Variants in PCDHGA3 observed in about 807,000 individuals in gnomAD.
PCDHGA3 encodes protocadherin gamma-A3.
In PCDHGA3, 40 loss-of-function variants were observed where a neutral mutation model predicts 58.5. The observed-to-expected ratio is 0.68, with a 90% CI of 0.53 to 0.89. PCDHGA3 has a LOEUF of 0.89. Ranked by LOEUF, PCDHGA3 falls within the 40% of genes least tolerant of loss-of-function variation. The pLI, the probability that PCDHGA3 is intolerant of heterozygous loss-of-function variation, is 0.00. For synonymous variants in PCDHGA3, 530 were observed against 525.7 expected (o/e 1.01, Z -0.11); for missense variants, 1,223 against 1,195.9 (o/e 1.02, Z -0.33).
At chr5:141,364,343 C>T in intron 1 of PCDHGA3, 1 of 1,541,934 alleles carries the variant, frequency 6.5e-7, no homozygotes, top group Non-Finnish European at 8.7e-7. Context: ...GGCGAGTCCA[C>T]CTAGGGGCTG....
chr5:141,493,289 C>T lies in PCDHGA3; in HGVS notation c.2425-1518C>T, dbSNP rs925045650. 2.6e-5 allele frequency among the ~76,000 whole-genome samples: 4 copies of T among 152,176 alleles called. No individual in the cohort carries two copies. Among genetic ancestry groups the T allele is most frequent in the Non-Finnish European group, 5.9e-5 (4 of 68,030 alleles). On this transcript the variant is annotated intron_variant, in intron 1 of 3. Coordinates refer to ENST00000253812, the MANE Select transcript of PCDHGA3 (RefSeq NM_018916.4). The surrounding 1 kb of genome is among the most constrained non-coding windows in gnomAD (Gnocchi z 4.3). ...CTTCACAGAGGTCAAGTGACTTGCT[C>T]AAGTTCACAGAGCAAGTAAGAGAGA...
intron 1 of PCDHGA3, among the ~76,000 whole-genome samples, chr5:141,473,132 T>C (rs2099314792): frequency 6.6e-6 from 1 of 152,230 alleles, no homozygotes; most frequent in Non-Finnish European, 1.5e-5. Context: ...TGGCAAACTA[T>C]ATTATCTCTT....
chr5:141,354,470 G>C (rs1446177530), intron 1 of PCDHGA3, among the ~76,000 whole-genome samples: 1 of 152,216 alleles, frequency 6.6e-6, no homozygotes, highest in South Asian at 2.1e-4. Flanking sequence ...CATTTGTACA[G>C]GGTAAGGCTA....
At chr5:141,379,214 T>A (rs1775449550) in intron 1 of PCDHGA3, 1 of 152,234 alleles carries the variant, frequency 6.6e-6, no homozygotes, top group Non-Finnish European at 1.5e-5. Flanking sequence ...CTGCTAAGAG[T>A]AATATGTGTT....
chr5:141,372,707 G>C, intron 1 of PCDHGA3: 1 of 1,613,964 alleles, frequency 6.2e-7, no homozygotes, highest in Non-Finnish European at 8.5e-7. Context: ...TCAATATAAA[G>C]GCTGAAAATG....
rs1257609378 is a variant in PCDHGA3 at position 141,385,552 on chromosome 5, T to TA, written c.2424+39095_2424+39096insA. Reference sequence around the variant, plus strand: ...ATTATGAATATGTGGACTATCACATTTTATAATTTCCACCTACTTTCCAAT... The same window carrying TA: ...ATTATGAATATGTGGACTATCACATTATTATAATTTCCACCTACTTTCCAAT... On this transcript the variant is annotated intron_variant, in intron 1 of 3. Transcript: ENST00000253812. 1.1e-5 allele frequency: 14 copies of TA among 1,315,750 alleles called. No individual in the cohort carries two copies. The African/African-American group carries it at 2.1e-4, about 20-fold the overall frequency. The allele number at this position is 1,315,750 out of a possible 1,614,324, so 81.5% of individuals were successfully genotyped here. A position where few individuals can be genotyped will look rare whatever the true frequency, so the allele number is the denominator to read the frequency against.
intron 2 of PCDHGA3, among the ~76,000 whole-genome samples, chr5:141,496,839 AG>A (rs2099771805): frequency 1.3e-5 from 2 of 151,484 alleles, no homozygotes; most frequent in African/African-American, 4.9e-5. Context: ...CAGAACTCAT[AG>A]GCTTCCAGAC....
chr5:141,355,938 G>A (rs556759092), intron 1 of PCDHGA3: 1 of 1,613,878 alleles, frequency 6.2e-7, no homozygotes, highest in Admixed American at 1.7e-5. Flanking sequence ...CTCAGCCCGA[G>A]TACCACGTAA....
At chr5:141,484,958 G>T in intron 1 of PCDHGA3, 1 of 575,874 alleles carries the variant, frequency 1.7e-6, no homozygotes. Flanking sequence ...TATTGGCTGA[G>T]CCCGGGAGCC....
chr5:141,438,586 A>G (rs949534736), intron 1 of PCDHGA3, among the ~76,000 whole-genome samples: 2 of 56,254 alleles, frequency 3.6e-5, no homozygotes, highest in South Asian at 6.2e-4. Context: ...ATACATACAT[A>G]CATACATATA....
intron 2 of PCDHGA3, among the ~76,000 whole-genome samples, chr5:141,496,040 AT>A (rs2099765531): frequency 1.3e-5 from 2 of 150,356 alleles, no homozygotes; most frequent in Admixed American, 6.6e-5. Flanking sequence ...TCTGTCTCTC[AT>A]TTTTTTGTGC....
At position 141,403,695 on chromosome 5, in the gene PCDHGA3, G is replaced by T. The variant is rs376074779; in HGVS notation, c.2424+57238G>T. On this transcript the variant is annotated intron_variant, in intron 1 of 3. Transcript: ENST00000253812. ...CCGGTTTTTGCTCAACGGATTTACC[G>T]AGTTAAAGTCCTTGAGAACGTGCCC... The T allele has an allele frequency of 2.9e-5, 46 of 1,613,780 alleles. No individual in the cohort carries two copies. The highest frequency in any genetic ancestry group is 3.7e-5 in the Non-Finnish European group (44 of 1,179,906).
At chr5:141,403,577 C>T (rs1188693688) in intron 1 of PCDHGA3, 2 of 1,613,812 alleles carry the variant, frequency 1.2e-6, no homozygotes, top group South Asian at 1.1e-5. Context: ...AACTGCCCAC[C>T]ACCTGGTCCT....
intron 2 of PCDHGA3, among the ~76,000 whole-genome samples, chr5:141,500,310 G>A (rs1327269551): frequency 6.6e-6 from 1 of 151,740 alleles, no homozygotes; most frequent in Non-Finnish European, 1.5e-5. Flanking sequence ...CCAGGTTCAC[G>A]CCATGCTCCT....
At chr5:141,350,950 G>A (rs781241590) in intron 1 of PCDHGA3, 3 of 1,613,932 alleles carry the variant, frequency 1.9e-6, no homozygotes, top group South Asian at 1.1e-5. Flanking sequence ...TCCGAGTTAC[G>A]GATGCCAATG....
At chr5:141,414,570 C>G (rs1253876890) in intron 1 of PCDHGA3, 13 of 1,613,862 alleles carry the variant, frequency 8.1e-6, no homozygotes, top group Non-Finnish European at 1.0e-5. Flanking sequence ...TTACCTATAT[C>G]CCAGAGAACA....
At chr5:141,365,274 A>G (rs199512708) in intron 1 of PCDHGA3, 679 of 1,613,988 alleles carry the variant, frequency 4.2e-4, no homozygotes, top group Non-Finnish European at 5.0e-4. Context: ...TCCAGATTCT[A>G]CCTCATGGAA....
At chr5:141,382,813 T>A in intron 1 of PCDHGA3, 1 of 1,218,620 alleles carries the variant, frequency 8.2e-7, no homozygotes, top group East Asian at 2.4e-5. Flanking sequence ...GAGCTCCCCT[T>A]CCTAAGACAG....
chr5:141,349,099 C>G (rs147383043), intron 1 of PCDHGA3, among the ~76,000 whole-genome samples: 1 of 152,110 alleles, frequency 6.6e-6, no homozygotes, highest in Admixed American at 6.5e-5. Context: ...GAGACAGAGT[C>G]TTGCTCTGTC....
Sources: allele counts gnomAD v4.1 joint callset (sites outside exome capture counted in the v4.1 genomes callset), GRCh38; gene constraint gnomAD v4.1.1; non-coding constraint Gnocchi (gnomAD v3.1); transcripts MANE v1.5; gene names NCBI Gene and HGNC (gene_info 2026-07-23, HGNC 2026-07-21).